FBXW9: variants seen among roughly 807,000 people sequenced by gnomAD.
FBXW9 encodes F-box/WD repeat-containing protein 9.
FBXW9 carries 38 observed loss-of-function variants against 55.8 expected under a neutral mutation model. The observed-to-expected ratio is 0.68, with a 90% confidence interval of 0.53 to 0.89. The LOEUF is 0.89. Ranked by LOEUF, FBXW9 falls within the 40% of genes least tolerant of loss-of-function variation. FBXW9 has a pLI of 0.00. For missense variants in FBXW9, 590 were observed against 619.4 expected, an observed-to-expected ratio of 0.95 and a Z score of 0.50; for synonymous variants, 289 against 278.2, an observed-to-expected ratio of 1.04 and a Z score of -0.38.
In FBXW9 at chr19:12,695,845, C is replaced by T. The variant is rs751925203; in HGVS notation, c.409+328G>A. On this transcript the variant is annotated intron_variant, in intron 1 of 9. Transcript: ENST00000393261. The stretch of plus-strand genomic sequence containing the variant: ...AGCCTAAGACTTCAAGTCCCTGTGT[C>T]AATCCCCAATCAGGGGTCAGTGGCT... Among the ~76,000 whole-genome samples, 17 of 152,314 alleles carry T rather than the reference C, an allele frequency of 1.1e-4. No individual in the cohort carries two copies. The East Asian group carries it at 3.3e-3, about 29-fold the overall frequency.
chr19:12,696,194 C>T lies in FBXW9; in HGVS notation c.388G>A (p.Ala130Thr), dbSNP rs368929567. The change falls in exon 1 of 10, where the codon GCG (alanine) becomes ACG (threonine). Residue 130 changes from alanine to threonine, a missense_variant. Ala to Thr is a moderately conservative substitution (Grantham distance 58). Transcript: ENST00000393261. ...WRLRALRRVR[A>T]PYPVVEEKNF... Reference sequence around the variant, plus strand: ...GCACCTTCCACCACTGGGTAGGGCGCGCGTACGCGGCGTAGCGCGCGTAGC... The same window carrying T: ...GCACCTTCCACCACTGGGTAGGGCGTGCGTACGCGGCGTAGCGCGCGTAGC... 9 of 1,543,708 alleles carry T rather than the reference C, an allele frequency of 5.8e-6. No homozygotes were observed. In the African/African-American group the frequency reaches 1.2e-4, roughly 21 times the overall value.
intron 1 of FBXW9, among the ~76,000 whole-genome samples, chr19:12,695,155 A>G (rs947442384): frequency 2.0e-5 from 3 of 152,086 alleles, no homozygotes; most frequent in African/African-American, 7.2e-5. Context: ...ACTCACTCCA[A>G]TTTCCAGAAA....
intron 3 of FBXW9, among the ~76,000 whole-genome samples, chr19:12,692,525 CTT>C (rs35134914): frequency 1.1e-4 from 14 of 128,538 alleles, no homozygotes; most frequent in Non-Finnish European, 1.0e-4. Flanking sequence ...TGCATCCGGT[CTT>C]TTTTTTTTTT....
Position 12,689,780 on chromosome 19 carries a change from C to T in FBXW9, c.1127G>A (p.Gly376Asp), listed in dbSNP as rs62108390. The T allele has an allele frequency of 1.2e-6, 2 of 1,614,072 alleles. No homozygotes were observed. The highest frequency in any genetic ancestry group is 2.2e-5 in the East Asian group (1 of 44,876). ...GCAGACCCGGATAAGCTGGAAGCAG[C>T]CGTTGCGGTTGGCGAAGACGTGCAG... Reference protein sequence around the residue: ...GLLHVFANRNGCFQLIRSFDV... With the variant: ...GLLHVFANRNDCFQLIRSFDV... Residue 376 changes from glycine (G) to aspartate (D), a missense_variant, in exon 7 of 10, where the codon GGC becomes GAC. By Grantham distance (94) the Gly-to-Asp change is moderately conservative. Coordinates refer to ENST00000393261, the MANE Select transcript of FBXW9 (RefSeq NM_032301.3). The surrounding 1 kb of genome is among the most constrained non-coding windows in gnomAD (Gnocchi z 5.9).
In FBXW9 at chr19:12,691,226, G is replaced by A; in HGVS notation, c.823C>T (p.Leu275=). 4 of 1,614,216 alleles carry A rather than the reference G, an allele frequency of 2.5e-6. No homozygotes were observed. The highest frequency in any genetic ancestry group is 3.4e-6 in the Non-Finnish European group (4 of 1,180,030). The change falls in exon 5 of 10, where the codon CTG becomes TTG. Residue 275 remains leucine, a synonymous_variant. Transcript: ENST00000393261. ...GTGCCAGTCACCAGGATGTCAGGCA[G>A]GTAGGAGAGGCACAGCACGGCTGAG... ...ASSAVLCLSY[L]PDILVTGTYD...
intron 3 of FBXW9, among the ~76,000 whole-genome samples, chr19:12,692,836 A>G (rs1203567482): frequency 1.3e-5 from 2 of 152,136 alleles, no homozygotes; most frequent in Non-Finnish European, 2.9e-5. Context: ...GCCCAATAAC[A>G]TTTCTAAGTC....
chr19:12,693,585 C>G lies in FBXW9; in HGVS notation c.678+1009G>C, dbSNP rs1324062796. 4.6e-4 allele frequency among the ~76,000 whole-genome samples: 45 copies of G among 98,140 alleles called. 2 individuals carry two copies. Among genetic ancestry groups the G allele is most frequent in the African/African-American group, 3.9e-3 (43 of 11,166 alleles). The allele number at this position is 98,140 out of a possible 152,430, so 64.4% of individuals were successfully genotyped here. On this transcript the variant is annotated intron_variant, in intron 3 of 9. Transcript: ENST00000393261. ...ATACACACACACACACACACACACA[C>G]ACACACACACACACACACACACAAA...
At chr19:12,693,561 TACACACAC>T (rs1169069518) in intron 3 of FBXW9, among the ~76,000 whole-genome samples, 1,093 of 10,210 alleles carry the variant, frequency 0.11, 101 homozygotes, top group Admixed American at 0.19. Context: ...TATATATATA[TACACACAC>T]ACACACACAC....
In FBXW9 at chr19:12,689,661, C is replaced by G. The variant is rs768720098; in HGVS notation, c.1147-31G>C. On this transcript the variant is annotated intron_variant, in intron 7 of 9. Coordinates refer to ENST00000393261, the MANE Select transcript of FBXW9 (RefSeq NM_032301.3). The surrounding 1 kb of genome is among the most constrained non-coding windows in gnomAD (Gnocchi z 5.9). Reference sequence around the variant, plus strand: ...GGAGGAGGATCAGGCAACACTCAGTCGAGGCTCTCCCAAGGCCCGCCCTCC... The same window carrying G: ...GGAGGAGGATCAGGCAACACTCAGTGGAGGCTCTCCCAAGGCCCGCCCTCC... 3.1e-6 allele frequency: 5 copies of G among 1,611,744 alleles called. No individual in the cohort carries two copies. The Admixed American group carries it at 5.0e-5, about 16-fold the overall frequency.
chr19:12,695,085 C>T (rs746030097), intron 1 of FBXW9, 147 bp from the exon 2 acceptor site: 78 of 918,890 alleles, frequency 8.5e-5, no homozygotes, highest in Admixed American at 8.7e-5. Context: ...CACCCCAAGC[C>T]GACCCAGGCT....
chr19:12,694,553 T>G, intron 3 of FBXW9, 41 bp downstream of exon 3: 1 of 1,596,318 alleles, frequency 6.3e-7, no homozygotes, highest in Non-Finnish European at 8.6e-7. Flanking sequence ...CAAGATGCCC[T>G]ACTCAGGCCT....
At position 12,694,804 on chromosome 19, in the gene FBXW9, G is replaced by A; in HGVS notation, c.544C>T (p.Leu182Phe). 1 of 1,614,064 alleles carries A rather than the reference G, an allele frequency of 6.2e-7. No individual in the cohort carries two copies. Among genetic ancestry groups the A allele is most frequent in the Non-Finnish European group, 8.5e-7 (1 of 1,179,980 alleles). Residue 182 changes from leucine to phenylalanine, a missense_variant, in exon 2 of 10, where the codon CTC (leucine) becomes TTC (phenylalanine). By Grantham distance (22) the Leu-to-Phe change is conservative. Transcript: ENST00000393261. ...HVASVDSVLL[L>F]QGGSLCLSGS... The stretch of plus-strand genomic sequence containing the variant: ...CCCCACAGACCCCGTCTCACCTGGA[G>A]CAGCAGCACTGAGTCAACGGAAGCC...
Position 12,693,587 on chromosome 19 carries a change from C to G in FBXW9, c.678+1007G>C, listed in dbSNP as rs1335130601. 6.0e-4 allele frequency among the ~76,000 whole-genome samples: 61 copies of G among 101,762 alleles called. 6 individuals carry two copies. The highest frequency in any genetic ancestry group is 4.4e-3 in the African/African-American group (59 of 13,470). The allele number at this position is 101,762 out of a possible 152,430, so 66.8% of individuals were successfully genotyped here. On this transcript the variant is annotated intron_variant, in intron 3 of 9. Transcript: ENST00000393261. ...ACACACACACACACACACACACACA[C>G]ACACACACACACACACACACAAAAG...
chr19:12,694,969 G>C, intron 1 of FBXW9, 31 bp from the exon 2 acceptor site: 1 of 1,602,614 alleles, frequency 6.2e-7, no homozygotes, highest in Non-Finnish European at 8.5e-7. Context: ...GGTGCCCAGT[G>C]GGCAGGGACC....
chr19:12,689,760 C>T lies in FBXW9; in HGVS notation c.1146+1G>A. ...AGTCAGGGGCAGGAGCTCCAGCAGA[C>T]CCGGATAAGCTGGAAGCAGCCGTTG... On this transcript the variant is annotated splice_donor_variant, in intron 7 of 9. Transcript: ENST00000393261. LOFTEE classifies it high-confidence loss of function. The surrounding 1 kb of genome is among the most constrained non-coding windows in gnomAD (Gnocchi z 5.9). 1.9e-6 allele frequency: 3 copies of T among 1,613,542 alleles called. No homozygotes were observed. The highest frequency in any genetic ancestry group is 1.7e-5 in the Admixed American group (1 of 60,010).
intron 1 of FBXW9, among the ~76,000 whole-genome samples, chr19:12,695,330 G>A (rs894567996): frequency 6.6e-6 from 1 of 152,150 alleles, no homozygotes; most frequent in Non-Finnish European, 1.5e-5. Context: ...GACCAAGGGG[G>A]CTGTTTCTCA....
Position 12,689,298 on chromosome 19 carries a change from G to A in FBXW9, c.1303-8C>T, listed in dbSNP as rs769991929. 3 of 1,614,218 alleles carry A rather than the reference G, an allele frequency of 1.9e-6. No homozygotes were observed. The highest frequency in any genetic ancestry group is 2.5e-6 in the Non-Finnish European group (3 of 1,180,014). On this transcript the variant is annotated splice_region_variant and splice_polypyrimidine_tract_variant and intron_variant, in intron 9 of 9. Transcript: ENST00000393261. The surrounding 1 kb of genome is among the most constrained non-coding windows in gnomAD (Gnocchi z 5.9). The stretch of plus-strand genomic sequence containing the variant: ...GTTGCCCTCAGCACAGACCTGGGAA[G>A]GGGGAGGAACATGAGGAGTCAGGGA...
intron 5 of FBXW9, among the ~76,000 whole-genome samples, chr19:12,690,417 A>G (rs2024991806): frequency 6.6e-6 from 1 of 152,132 alleles, no homozygotes; most frequent in Non-Finnish European, 1.5e-5. Flanking sequence ...GGCCTGAAAC[A>G]TGCCTATCCC....
Position 12,690,045 on chromosome 19 carries a change from C to T in FBXW9, c.949G>A (p.Asp317Asn), listed in dbSNP as rs2024984643. The T allele has an allele frequency of 6.2e-7, 1 of 1,614,048 alleles. No individual in the cohort carries two copies. Among genetic ancestry groups the T allele is most frequent in the Non-Finnish European group, 8.5e-7 (1 of 1,180,034 alleles). Reference sequence around the variant, plus strand: ...TCGCTGCCTGAGATGATGTGCCGGTCATCCGCCAGCAGGGTCAGCACGGGT... The same window carrying T: ...TCGCTGCCTGAGATGATGTGCCGGTTATCCGCCAGCAGGGTCAGCACGGGT... Reference protein sequence around the residue: ...SRPVLTLLADDRHIISGSEDH... With the variant: ...SRPVLTLLADNRHIISGSEDH... The change falls in exon 6 of 10, where the codon GAC becomes AAC. Residue 317 changes from aspartate (D) to asparagine (N), a missense_variant. Coordinates refer to ENST00000393261, the MANE Select transcript of FBXW9 (RefSeq NM_032301.3).
Sources: gnomAD v4.1 joint callset for allele counts (sites outside exome capture counted in the v4.1 genomes callset) on GRCh38, gnomAD v4.1.1 for gene constraint, Gnocchi (gnomAD v3.1) non-coding constraint, MANE v1.5 for transcripts, NCBI Gene and HGNC (gene_info 2026-07-23, HGNC 2026-07-21) for gene names.